Variants in ASF1B observed in about 807,000 individuals in gnomAD.
The protein encoded by ASF1B is anti-silencing function 1B histone chaperone.
A neutral mutation model predicts 16.6 loss-of-function variants in ASF1B; 10 were observed. That is an observed-to-expected ratio of 0.60 (90% CI 0.37 to 1.02). The LOEUF is 1.02. ASF1B is among the 50% of genes least tolerant of loss of function. The pLI, the probability that ASF1B is intolerant of heterozygous loss-of-function variation, is 0.01. For missense variants in ASF1B, 240 were observed against 266.0 expected (o/e 0.90, Z 0.68); for synonymous variants, 101 against 106.2 (o/e 0.95, Z 0.30).
intron 1 of ASF1B, among the ~76,000 whole-genome samples, chr19:14,136,031 G>A (rs1473611503): frequency 2.1e-5 from 3 of 145,242 alleles, no homozygotes; most frequent in East Asian, 4.2e-4. Context: ...CTTGGAGGGG[G>A]TTAATCTCTA....
chr19:14,132,538 G>A (rs1967421455), intron 1 of ASF1B, among the ~76,000 whole-genome samples: 1 of 152,144 alleles, frequency 6.6e-6, no homozygotes, highest in Non-Finnish European at 1.5e-5. Flanking sequence ...AGCATTCTCT[G>A]GCCAGGCGCT....
At chr19:14,132,859 C>T (rs1967426841) in intron 1 of ASF1B, among the ~76,000 whole-genome samples, 1 of 151,372 alleles carries the variant, frequency 6.6e-6, no homozygotes, top group Non-Finnish European at 1.5e-5. Flanking sequence ...ACGACGGGCA[C>T]GGTGGCTCAC....
intron 1 of ASF1B, among the ~76,000 whole-genome samples, chr19:14,135,561 T>C (rs967609514): frequency 6.6e-6 from 1 of 152,026 alleles, no homozygotes; most frequent in African/African-American, 2.4e-5. Context: ...CGTGGGGTTA[T>C]TGAAATATTG....
chr19:14,129,916 AGTCT>A (rs1178294961), intron 1 of ASF1B, among the ~76,000 whole-genome samples: 1 of 149,190 alleles, frequency 6.7e-6, no homozygotes, highest in Non-Finnish European at 1.5e-5. Flanking sequence ...ATGCCCCTGT[AGTCT>A]CAGCTACTCG....
At chr19:14,124,587 G>C (rs1418392145) in intron 2 of ASF1B, among the ~76,000 whole-genome samples, 1 of 152,180 alleles carries the variant, frequency 6.6e-6, no homozygotes, top group Non-Finnish European at 1.5e-5. Context: ...ACACCTGCTT[G>C]CTTTCACAGT....
chr19:14,120,723 G>T (rs1967223017), intron 3 of ASF1B, 58 bp from the exon 4 acceptor site: 3 of 1,540,530 alleles, frequency 1.9e-6, no homozygotes, highest in Admixed American at 3.5e-5. Context: ...TGGTCCCATA[G>T]AGCCAGGACA....
At chr19:14,132,022 T>G (rs914419172) in intron 1 of ASF1B, among the ~76,000 whole-genome samples, 3 of 138,104 alleles carry the variant, frequency 2.2e-5, no homozygotes, top group African/African-American at 2.8e-5. Context: ...GGGGTTAGGG[T>G]GGTTTTTTTT....
At position 14,121,548 on chromosome 19, in the gene ASF1B, T is replaced by A. The variant is rs1466378481; in HGVS notation, c.386A>T (p.Lys129Met). Residue 129 changes from lysine to methionine, a missense_variant, in exon 3 of 4, where the codon AAG (lysine) becomes ATG (methionine). Physicochemically the swap from Lys to Met is moderately conservative, Grantham distance 95 (BLOSUM62 -1). Coordinates refer to ENST00000263382, the MANE Select transcript of ASF1B (RefSeq NM_018154.3). ...AGGCCCCACCTGGGAGAAATCTGGC[T>A]TCATGGGCGGGTTCTCACGCAGCTC... ...NPELRENPPM[K>M]PDFSQLQRNI... The A allele has an allele frequency of 1.2e-6, 2 of 1,613,692 alleles. No individual in the cohort carries two copies. The highest frequency in any genetic ancestry group is 2.7e-5 in the African/African-American group (2 of 74,878).
intron 1 of ASF1B, 99 bp from the exon 2 acceptor site, chr19:14,126,336 G>A (rs1395236882): frequency 9.2e-6 from 7 of 760,572 alleles, no homozygotes; most frequent in South Asian, 1.5e-5. Context: ...ATGGAGTCTC[G>A]TTCTGTCACA....
intron 1 of ASF1B, among the ~76,000 whole-genome samples, chr19:14,126,773 G>A (rs1468006616): frequency 6.6e-6 from 1 of 151,904 alleles, no homozygotes; most frequent in East Asian, 1.9e-4. Context: ...TACCTGGCCT[G>A]TTTTTGTATT....
At chr19:14,124,482 G>C (rs1232325418) in intron 2 of ASF1B, among the ~76,000 whole-genome samples, 1 of 152,174 alleles carries the variant, frequency 6.6e-6, no homozygotes, top group South Asian at 2.1e-4. Context: ...TGCTGCATGA[G>C]AGCCATTTAG....
chr19:14,130,757 G>A (rs1967389654), intron 1 of ASF1B, among the ~76,000 whole-genome samples: 1 of 147,982 alleles, frequency 6.8e-6, no homozygotes, highest in Non-Finnish European at 1.5e-5. Flanking sequence ...TAGTCCCTGT[G>A]CAAGACATAC....
In ASF1B at chr19:14,136,571, T is replaced by C; in HGVS notation, c.-115A>G. 2.5e-6 allele frequency: 2 copies of C among 789,672 alleles called. No homozygotes were observed. Among genetic ancestry groups the C allele is most frequent in the Non-Finnish European group, 3.9e-6 (2 of 508,874 alleles). The allele number at this position is 789,672 out of a possible 1,614,324, so 48.9% of individuals were successfully genotyped here. ...TGACCAGGTCCACTCCCGCCTCTTC[T>C]CTCCGAGAACTGAAGTGCGCACCTA... On this transcript the variant is annotated 5_prime_UTR_variant, in exon 1 of 4. Transcript: ENST00000263382.
At chr19:14,124,436 C>G (rs575048244) in intron 2 of ASF1B, among the ~76,000 whole-genome samples, 1 of 152,138 alleles carries the variant, frequency 6.6e-6, no homozygotes, top group Non-Finnish European at 1.5e-5. Flanking sequence ...AGCCACCACA[C>G]CCGGCCAGAA....
At chr19:14,126,741 G>C (rs1967324302) in intron 1 of ASF1B, among the ~76,000 whole-genome samples, 1 of 152,116 alleles carries the variant, frequency 6.6e-6, no homozygotes, top group Non-Finnish European at 1.5e-5. Flanking sequence ...CAAAGTGCTG[G>C]GATGACAGGT....
In ASF1B at chr19:14,128,187, TG is replaced by T. The variant is rs1269587548; in HGVS notation, c.110-1951del. ...TACACAACCCTTCAGCTCTAGCAGC[TG>T]GGGGAAGTTTCACAAGCTGTGATTT... On this transcript the variant is annotated intron_variant, in intron 1 of 3. Transcript: ENST00000263382. Among the ~76,000 whole-genome samples, 7 of 152,314 alleles carry T rather than the reference TG, an allele frequency of 4.6e-5. No homozygotes were observed. In the East Asian group the frequency reaches 1.2e-3, roughly 25 times the overall value.
Position 14,136,356 on chromosome 19 carries a change from A to G in ASF1B, c.101T>C (p.Leu34Pro). 2 of 1,612,928 alleles carry G rather than the reference A, an allele frequency of 1.2e-6. No individual in the cohort carries two copies. Among genetic ancestry groups the G allele is most frequent in the Non-Finnish European group, 1.7e-6 (2 of 1,179,216 alleles). Residue 34 changes from leucine to proline, a missense_variant, in exon 1 of 4, where the codon CTG becomes CCG. Physicochemically the swap from Leu to Pro is moderately conservative, Grantham distance 98. Transcript: ENST00000263382. ...CACAGGCCCAGCCTCACCGTCCGCC[A>G]GGGCTTCACTGCACTCGAAGCTGAT... Reference protein sequence around the residue: ...FEISFECSEALADDLEWKIIY... With the variant: ...FEISFECSEAPADDLEWKIIY...
chr19:14,135,119 G>A (rs1484075818), intron 1 of ASF1B, among the ~76,000 whole-genome samples: 1 of 151,510 alleles, frequency 6.6e-6, no homozygotes, highest in Non-Finnish European at 1.5e-5. Flanking sequence ...AGCTACTCGG[G>A]AGGCTGAGGC....
At chr19:14,131,623 C>T (rs1452478793) in intron 1 of ASF1B, among the ~76,000 whole-genome samples, 1 of 151,568 alleles carries the variant, frequency 6.6e-6, no homozygotes, top group Non-Finnish European at 1.5e-5. Flanking sequence ...GCTGGGACTA[C>T]AGGCGCCCGC....
Sources: allele counts gnomAD v4.1 joint callset (sites outside exome capture counted in the v4.1 genomes callset), GRCh38; gene constraint gnomAD v4.1.1; transcripts MANE v1.5; gene names NCBI Gene and HGNC (gene_info 2026-07-23, HGNC 2026-07-21).